The following XKR6 variants were observed in gnomAD, a reference collection of about 807,000 sequenced individuals.
XKR6 encodes XK related 6, also known as XK-related protein 6.
Under a neutral mutation model 56.7 loss-of-function variants are expected in XKR6, and 22 were observed. The observed-to-expected ratio is 0.39, with a 90% CI of 0.28 to 0.55. XKR6 has a LOEUF of 0.55. Among genes scored for constraint, XKR6 ranks in the 20% least tolerant of loss-of-function variants. XKR6 has a pLI of 0.66. For synonymous variants in XKR6, 524 were observed against 387.8 expected (o/e 1.35, Z -4.13); for missense variants, 852 against 889.0 (o/e 0.96, Z 0.53).
chr8:11,167,095 T>C (rs1468055465), intron 1 of XKR6, among the ~76,000 whole-genome samples: 2 of 151,932 alleles, frequency 1.3e-5, no homozygotes, highest in Non-Finnish European at 2.9e-5. Context: ...GACTGGGAGA[T>C]GTCGAAAAAA....
chr8:11,055,594 G>A (rs990338186), intron 1 of XKR6, among the ~76,000 whole-genome samples: 1 of 152,200 alleles, frequency 6.6e-6, no homozygotes, highest in Non-Finnish European at 1.5e-5. Context: ...AAGTCTGGCC[G>A]CTGCCCCCAA....
intron 1 of XKR6, among the ~76,000 whole-genome samples, chr8:11,041,980 T>C (rs568020299): frequency 8.8e-4 from 134 of 152,306 alleles, no homozygotes; most frequent in Non-Finnish European, 1.7e-3. Context: ...TAAGTGTGTG[T>C]ATAAAGTCCT....
At chr8:11,144,908 G>C (rs1466968526) in intron 1 of XKR6, among the ~76,000 whole-genome samples, 2 of 150,242 alleles carry the variant, frequency 1.3e-5, no homozygotes, top group East Asian at 2.1e-4. Flanking sequence ...AGAAGGGGAA[G>C]GGGAAGGGAA....
chr8:11,117,993 G>A (rs989127474), intron 1 of XKR6, among the ~76,000 whole-genome samples: 10 of 152,044 alleles, frequency 6.6e-5, no homozygotes, highest in Admixed American at 3.3e-4. Flanking sequence ...CAAACAGACC[G>A]TTAGGAGAGG....
At chr8:11,139,888 A>T (rs1800600232) in intron 1 of XKR6, among the ~76,000 whole-genome samples, 1 of 152,238 alleles carries the variant, frequency 6.6e-6, no homozygotes, top group Admixed American at 6.5e-5. Context: ...ACAGACAAGG[A>T]AAGCACACTG....
chr8:11,134,378 A>G (rs543120049), intron 1 of XKR6, among the ~76,000 whole-genome samples: 13 of 152,256 alleles, frequency 8.5e-5, no homozygotes, highest in South Asian at 2.1e-4. Context: ...TCTGAAACTA[A>G]TAAGTATTAG....
chr8:11,005,206 G>A (rs978419687), intron 1 of XKR6, among the ~76,000 whole-genome samples: 2 of 151,882 alleles, frequency 1.3e-5, no homozygotes, highest in Non-Finnish European at 2.9e-5. Context: ...GCAGAATGAC[G>A]CAAGATTTCA....
chr8:11,164,910 T>G (rs543639776), intron 1 of XKR6, among the ~76,000 whole-genome samples: 30 of 152,126 alleles, frequency 2.0e-4, no homozygotes, highest in African/African-American at 7.2e-4. Flanking sequence ...GAAACAAAGG[T>G]CATCCCACCT....
intron 1 of XKR6, among the ~76,000 whole-genome samples, chr8:11,189,727 GA>G (rs1181401476): frequency 6.6e-6 from 1 of 152,154 alleles, no homozygotes; most frequent in Non-Finnish European, 1.5e-5. Flanking sequence ...ACTGCTTAGG[GA>G]ACTTTCTGAA....
At chr8:11,006,794 T>C (rs1798379242) in intron 1 of XKR6, among the ~76,000 whole-genome samples, 1 of 152,176 alleles carries the variant, frequency 6.6e-6, no homozygotes, top group Non-Finnish European at 1.5e-5. Flanking sequence ...GGATATGGAG[T>C]TCCCTGTGGC....
At chr8:11,199,188 G>A (rs1044045418) in intron 1 of XKR6, among the ~76,000 whole-genome samples, 3 of 152,242 alleles carry the variant, frequency 2.0e-5, no homozygotes, top group Non-Finnish European at 2.9e-5. Flanking sequence ...AGAAAGGCTA[G>A]TAAACAACTC....
chr8:11,048,132 C>G (rs1283200249), intron 1 of XKR6, among the ~76,000 whole-genome samples: 6 of 152,142 alleles, frequency 3.9e-5, no homozygotes, highest in South Asian at 2.1e-4. Flanking sequence ...ACTGCAGCAG[C>G]CAGAAAGCCA....
At chr8:11,168,725 T>C (rs1357931415) in intron 1 of XKR6, among the ~76,000 whole-genome samples, 9 of 152,204 alleles carry the variant, frequency 5.9e-5, no homozygotes, top group Non-Finnish European at 1.3e-4. Context: ...GGGTAGGTCC[T>C]TGGCAAAACT....
At chr8:10,954,866 C>CTTTTTTTT (rs34248780) in intron 1 of XKR6, among the ~76,000 whole-genome samples, 11 of 92,796 alleles carry the variant, frequency 1.2e-4, no homozygotes, top group African/African-American at 2.6e-4. Context: ...ACTTCATTCT[C>CTTTTTTTT]TTTTTTTTTT....
intron 1 of XKR6, among the ~76,000 whole-genome samples, chr8:10,971,660 T>A (rs2129134008): frequency 6.6e-6 from 1 of 152,192 alleles, no homozygotes. Flanking sequence ...CCTAACTACC[T>A]TCACTTTTTG....
intron 1 of XKR6, among the ~76,000 whole-genome samples, chr8:11,147,417 G>A (rs1404565837): frequency 2.6e-5 from 4 of 152,146 alleles, no homozygotes; most frequent in Non-Finnish European, 5.9e-5. Flanking sequence ...TGTAATCCCA[G>A]CACTTTGGGA....
rs1156557584 is a variant in XKR6 at position 11,128,828 on chromosome 8, GATCACCTT to G, written c.764+71740_764+71747del. The G allele has an allele frequency of 8.8e-6, 4 of 456,722 alleles. 1 individual carries two copies. The Admixed American group carries it at 9.4e-5, about 11-fold the overall frequency. The allele number at this position is 456,722 out of a possible 1,614,324, so 28.3% of individuals were successfully genotyped here. ...AACCTTCAAAATATATCCAGAATCTGATCACCTTACCACCTCCACTGTCACCATCTTCA... is the reference window on the plus strand; with the variant it reads ...AACCTTCAAAATATATCCAGAATCTGACCACCTCCACTGTCACCATCTTCA... On this transcript the variant is annotated intron_variant, in intron 1 of 2. Coordinates refer to ENST00000416569, the MANE Select transcript of XKR6 (RefSeq NM_173683.4).
chr8:11,052,340 T>C (rs192101891), intron 1 of XKR6, among the ~76,000 whole-genome samples: 68 of 152,322 alleles, frequency 4.5e-4, no homozygotes, highest in African/African-American at 1.6e-3. Flanking sequence ...CCCCCAGCTC[T>C]TGTTTCCCAG....
Position 11,161,613 on chromosome 8 carries a change from T to C in XKR6, c.764+38963A>G, listed in dbSNP as rs77860975. On this transcript the variant is annotated intron_variant, in intron 1 of 2. Coordinates refer to ENST00000416569, the MANE Select transcript of XKR6 (RefSeq NM_173683.4). ...GCCTGGCAGTTCTTTCTTTCAGATG[T>C]TTTCATCTTTCTCATATACTGTAAA... Among the ~76,000 whole-genome samples the C allele has an allele frequency of 1.4e-3, 216 of 152,332 alleles. 4 individuals carry two copies. The South Asian group carries it at 0.018, about 13-fold the overall frequency.
Sources: allele counts gnomAD v4.1 joint callset (sites outside exome capture counted in the v4.1 genomes callset), GRCh38; gene constraint gnomAD v4.1.1; transcripts MANE v1.5; gene names NCBI Gene and HGNC (gene_info 2026-07-23, HGNC 2026-07-21).